Variants in CADM2 observed in about 807,000 individuals in gnomAD.
CADM2 encodes cell adhesion molecule 2, also known as immunoglobulin superfamily member 4D.
A neutral mutation model predicts 49.8 loss-of-function variants in CADM2; 12 were observed. The ratio of observed to expected loss-of-function variants is 0.24; its 90% CI spans 0.15 to 0.39. The LOEUF (loss-of-function observed/expected upper bound fraction) is 0.39, where lower values mean the gene tolerates loss of function less well. Ranked by LOEUF, CADM2 falls within the 10% of genes least tolerant of loss-of-function variation. The pLI, the probability that CADM2 is intolerant of heterozygous loss-of-function variation, is 1.00. For synonymous variants in CADM2, 214 were observed against 175.4 expected, an observed-to-expected ratio of 1.22 and a Z score of -1.74; for missense variants, 378 against 492.3, an observed-to-expected ratio of 0.77 and a Z score of 2.20.
In CADM2 at chr3:85,886,149, C is replaced by G. The variant is rs201175801; in HGVS notation, c.392-41C>G. The G allele has an allele frequency of 1.6e-5, 26 of 1,605,686 alleles. No individual in the cohort carries two copies. The East Asian group carries it at 5.8e-4, about 36-fold the overall frequency. On this transcript the variant is annotated intron_variant, in intron 4 of 9. Transcript: ENST00000383699. The stretch of plus-strand genomic sequence containing the variant: ...TAATAGACATAATAACAAATCAACC[C>G]TGAAGATTGATGCTCACTTCATCAT...
In CADM2 at chr3:85,569,793, T is replaced by C. The variant is rs142727731; in HGVS notation, c.62-156729T>C. Among the ~76,000 whole-genome samples, 683 of 151,772 alleles carry C rather than the reference T, an allele frequency of 4.5e-3. 7 individuals carry two copies. Among genetic ancestry groups the C allele is most frequent in the African/African-American group, 0.016 (652 of 41,384 alleles). On this transcript the variant is annotated intron_variant, in intron 1 of 9. Coordinates refer to ENST00000383699, the MANE Select transcript of CADM2 (RefSeq NM_001167675.2). ...TAGAAGTAGATTTCAGTGACTTAGG[T>C]TAGAAAGAAAAACCTAATCTGAGGC... is the stretch of plus-strand genomic sequence containing the variant.
chr3:85,446,138 A>T (rs2037440064), intron 1 of CADM2, among the ~76,000 whole-genome samples: 1 of 152,148 alleles, frequency 6.6e-6, no homozygotes, highest in Non-Finnish European at 1.5e-5. Flanking sequence ...TTAAAGATGA[A>T]TATTAGCTTC....
intron 8 of CADM2, among the ~76,000 whole-genome samples, chr3:85,985,127 A>G (rs1727933790): frequency 6.6e-6 from 1 of 151,962 alleles, no homozygotes; most frequent in South Asian, 2.1e-4. Context: ...AGTGACTTAC[A>G]CATAACAAAT....
intron 1 of CADM2, among the ~76,000 whole-genome samples, chr3:85,632,161 A>G (rs902209406): frequency 6.6e-6 from 1 of 151,224 alleles, no homozygotes; most frequent in Non-Finnish European, 1.5e-5. Flanking sequence ...TGCTGTTCTC[A>G]TGATAGTGAA....
chr3:85,887,689 A>G (rs1283635233), intron 5 of CADM2, among the ~76,000 whole-genome samples: 1 of 152,160 alleles, frequency 6.6e-6, no homozygotes, highest in Non-Finnish European at 1.5e-5. Context: ...ACATCTTATT[A>G]TGCTAAATTA....
chr3:85,711,325 G>A (rs776944984), intron 1 of CADM2, among the ~76,000 whole-genome samples: 1 of 151,978 alleles, frequency 6.6e-6, no homozygotes, highest in Non-Finnish European at 1.5e-5. Flanking sequence ...AGAGAAAATC[G>A]CTTTTGTCCC....
chr3:85,298,395 G>A (rs1208415550), intron 1 of CADM2, among the ~76,000 whole-genome samples: 1 of 152,064 alleles, frequency 6.6e-6, no homozygotes, highest in Non-Finnish European at 1.5e-5. Flanking sequence ...ATTGCTTGCA[G>A]CAGCACTGAT....
intron 2 of CADM2, among the ~76,000 whole-genome samples, chr3:85,767,479 G>C (rs1053966936): frequency 1.3e-5 from 2 of 152,062 alleles, no homozygotes; most frequent in Non-Finnish European, 2.9e-5. Flanking sequence ...AATTAAATTT[G>C]CAGAGTAGTC....
At chr3:86,000,246 A>G (rs1321340772) in intron 8 of CADM2, among the ~76,000 whole-genome samples, 1 of 152,194 alleles carries the variant, frequency 6.6e-6, no homozygotes, top group Non-Finnish European at 1.5e-5. Context: ...ATTGTTTTCT[A>G]AAAAGGATAG....
Position 85,415,792 on chromosome 3 carries a change from G to T in CADM2, c.62-310730G>T, listed in dbSNP as rs74567475. 5.5e-3 allele frequency among the ~76,000 whole-genome samples: 835 copies of T among 152,196 alleles called. 8 individuals are homozygous for T. The highest frequency in any genetic ancestry group is 0.019 in the African/African-American group (790 of 41,550). ...CAAATAAGGGATTTAAAACTCATCT[G>T]CAGTAGGATCAAAGCTTGTAAGGGA... On this transcript the variant is annotated intron_variant, in intron 1 of 9. Coordinates refer to ENST00000383699, the MANE Select transcript of CADM2 (RefSeq NM_001167675.2).
At chr3:85,271,145 T>C (rs1576252163) in intron 1 of CADM2, among the ~76,000 whole-genome samples, 4 of 151,400 alleles carry the variant, frequency 2.6e-5, no homozygotes, top group African/African-American at 9.7e-5. Context: ...GCAGTTGATC[T>C]TGAGCAAGAT....
intron 1 of CADM2, among the ~76,000 whole-genome samples, chr3:85,549,550 T>C (rs2061748599): frequency 6.6e-6 from 1 of 152,114 alleles, no homozygotes; most frequent in Non-Finnish European, 1.5e-5. Context: ...AGATAATTGG[T>C]GAAAGAGGAA....
At chr3:86,022,178 G>T (rs1405685429) in intron 8 of CADM2, among the ~76,000 whole-genome samples, 1 of 151,946 alleles carries the variant, frequency 6.6e-6, no homozygotes, top group Non-Finnish European at 1.5e-5. Context: ...ACACATAATT[G>T]TCATTTTAGC....
intron 8 of CADM2, among the ~76,000 whole-genome samples, chr3:86,034,327 T>C (rs1338276724): frequency 6.6e-6 from 1 of 151,992 alleles, no homozygotes; most frequent in Admixed American, 6.6e-5. Context: ...GTGAAGCCTT[T>C]GGGAACTGAT....
chr3:85,063,091 T>A (rs2036395684), intron 1 of CADM2, among the ~76,000 whole-genome samples: 1 of 151,944 alleles, frequency 6.6e-6, no homozygotes, highest in Non-Finnish European at 1.5e-5. Context: ...AATATTGTAC[T>A]ATTAAATAAT....
chr3:85,282,347 C>T (rs1345146339), intron 1 of CADM2, among the ~76,000 whole-genome samples: 1 of 149,468 alleles, frequency 6.7e-6, no homozygotes, highest in Non-Finnish European at 1.5e-5. Context: ...TGGCAACCTC[C>T]ACCTCTCTGG....
chr3:85,878,285 T>G (rs1485995961), intron 3 of CADM2, among the ~76,000 whole-genome samples: 1 of 152,042 alleles, frequency 6.6e-6, no homozygotes, highest in African/African-American at 2.4e-5. Flanking sequence ...GCATAGGAGT[T>G]TTACCTCATA....
chr3:85,927,919 T>G (rs1452963775), intron 6 of CADM2, among the ~76,000 whole-genome samples: 1 of 152,204 alleles, frequency 6.6e-6, no homozygotes, highest in African/African-American at 2.4e-5. Flanking sequence ...TAAATTTTGT[T>G]AAGCCAATGA....
At chr3:85,527,730 G>A (rs534182954) in intron 1 of CADM2, among the ~76,000 whole-genome samples, 2 of 152,036 alleles carry the variant, frequency 1.3e-5, no homozygotes, top group East Asian at 1.9e-4. Context: ...TGACAATGTC[G>A]AAAAAGCAGC....
Sources: allele counts gnomAD v4.1 joint callset (sites outside exome capture counted in the v4.1 genomes callset), GRCh38; gene constraint gnomAD v4.1.1; transcripts MANE v1.5; gene names NCBI Gene and HGNC (gene_info 2026-07-23, HGNC 2026-07-21).